ABTB1: variants seen among roughly 807,000 people sequenced by gnomAD.
ABTB1 encodes ankyrin repeat and BTB domain containing 1.
A neutral mutation model predicts 57.1 loss-of-function variants in ABTB1; 45 were observed. The observed-to-expected ratio is 0.79, with a 90% confidence interval of 0.62 to 1.01. ABTB1 has a LOEUF of 1.01. Among genes scored for constraint, ABTB1 ranks in the 50% least tolerant of loss-of-function variants. ABTB1 has a pLI of 0.00. For missense variants in ABTB1, 630 were observed against 666.3 expected (o/e 0.95, Z 0.60); for synonymous variants, 302 against 275.4 (o/e 1.10, Z -0.95).
chr3:127,676,351 G>T lies in ABTB1; in HGVS notation c.400G>T (p.Gly134Cys). 6.2e-7 allele frequency: 1 copy of T among 1,614,160 alleles called. No homozygotes were observed. The highest frequency in any genetic ancestry group is 8.5e-7 in the Non-Finnish European group (1 of 1,180,026). Reference sequence around the variant, plus strand: ...ATTCCGGGTGCATCGCTGCGTCCTGGGTGCACGTAGTGCCTACTTTGCCAA... The same window carrying T: ...ATTCCGGGTGCATCGCTGCGTCCTGTGTGCACGTAGTGCCTACTTTGCCAA... Reference protein sequence around the residue: ...KPFRVHRCVLGARSAYFANML... With the variant: ...KPFRVHRCVLCARSAYFANML... Residue 134 changes from glycine to cysteine, a missense_variant, in exon 5 of 12, where the codon GGT (glycine) becomes TGT (cysteine). Around this residue, in one of 3 missense-constraint regions of ABTB1, gnomAD observed 579 missense variants for 585.9 expected, o/e 0.99. Transcript: ENST00000232744. The surrounding 1 kb of genome is among the most constrained non-coding windows in gnomAD (Gnocchi z 5.4).
intron 1 of ABTB1, chr3:127,674,071 G>A: frequency 2.5e-6 from 1 of 405,598 alleles, no homozygotes; most frequent in Non-Finnish European, 4.7e-6. Flanking sequence ...TGGTGGGAGT[G>A]AAGGCTCCAT....
At position 127,674,421 on chromosome 3, in the gene ABTB1, G is replaced by C; in HGVS notation, c.87G>C (p.Val29=). 2 of 1,454,618 alleles carry C rather than the reference G, an allele frequency of 1.4e-6. No homozygotes were observed. Among genetic ancestry groups the C allele is most frequent in the Non-Finnish European group, 1.9e-6 (2 of 1,079,030 alleles). 90.1% of individuals were successfully genotyped at this position (1,454,618 alleles called of 1,614,324 possible). Reference sequence around the variant, plus strand: ...TGCTGGAGCAGCGAGACGTGGAGGTGAATGTGCGGGACAAGTGGGACAGCA... The same window carrying C: ...TGCTGGAGCAGCGAGACGTGGAGGTCAATGTGCGGGACAAGTGGGACAGCA... ...RYLLEQRDVE[V]NVRDKWDSTP... is the part of the protein sequence containing the mutation. The change falls in exon 2 of 12, where the codon GTG becomes GTC. Residue 29 remains valine, a synonymous_variant. Coordinates refer to ENST00000232744, the MANE Select transcript of ABTB1 (RefSeq NM_172027.3).
chr3:127,677,164 G>A lies in ABTB1; in HGVS notation c.644-4G>A. ...GGCTCCCTGAAGTTGTTCTTCCCCT[G>A]TAGTGGCGTCTAAGCCAGGCACGTG... On this transcript the variant is annotated splice_region_variant and splice_polypyrimidine_tract_variant and intron_variant, in intron 7 of 11. Transcript: ENST00000232744. 3 of 1,613,588 alleles carry A rather than the reference G, an allele frequency of 1.9e-6. No homozygotes were observed. Among genetic ancestry groups the A allele is most frequent in the Non-Finnish European group, 2.5e-6 (3 of 1,179,814 alleles).
chr3:127,676,124 G>T lies in ABTB1; in HGVS notation c.320+10G>T, dbSNP rs755063009. The T allele has an allele frequency of 1.2e-6, 2 of 1,612,766 alleles. No homozygotes were observed. The highest frequency in any genetic ancestry group is 1.7e-6 in the Non-Finnish European group (2 of 1,179,692). ...ACGACTTCTTGCAGCGGTGAGCCAG[G>T]GCACACGAGGGGTGCAGCATGGGGT... On this transcript the variant is annotated intron_variant, in intron 4 of 11. Coordinates refer to ENST00000232744, the MANE Select transcript of ABTB1 (RefSeq NM_172027.3). This position sits in a 1 kb window ranked among gnomAD's most constrained non-coding sequence, Gnocchi z 5.4.
rs1197345326 is a variant in ABTB1 at position 127,674,296 on chromosome 3, CA to C, written c.57-91del. ...TCACCTGGGGGAGGCTTCCCCATACCAAAAGGGATGTTTTCTCTCCGTTCCT... is the reference window on the plus strand; with the variant it reads ...TCACCTGGGGGAGGCTTCCCCATACCAAAGGGATGTTTTCTCTCCGTTCCT... On this transcript the variant is annotated intron_variant, in intron 1 of 11. Transcript: ENST00000232744. 18 of 1,512,390 alleles carry C rather than the reference CA, an allele frequency of 1.2e-5. No homozygotes were observed. The African/African-American group carries it at 2.3e-4, about 20-fold the overall frequency. The allele number at this position is 1,512,390 out of a possible 1,614,324, so 93.7% of individuals were successfully genotyped here. A position where few individuals can be genotyped will look rare whatever the true frequency, so the allele number is the denominator to read the frequency against.
intron 10 of ABTB1, chr3:127,679,711 C>T (rs2075078560): frequency 3.5e-6 from 2 of 570,084 alleles, no homozygotes; most frequent in East Asian, 6.8e-5. Flanking sequence ...GACCCTGGCT[C>T]CTGCGAGGGC....
Position 127,677,084 on chromosome 3 carries a change from G to T in ABTB1, c.643+1G>T. The T allele has an allele frequency of 6.2e-7, 1 of 1,614,074 alleles. No homozygotes were observed. On this transcript the variant is annotated splice_donor_variant, in intron 7 of 11. Transcript: ENST00000232744. LOFTEE classifies it high-confidence loss of function. ...AAGTGCGAGAAGGTGTCTGAGTTTG[G>T]TGCGAGCAGGGTTTGGGGCCCGGGG...
At position 127,676,150 on chromosome 3, in the gene ABTB1, G is replaced by A; in HGVS notation, c.320+36G>A. On this transcript the variant is annotated intron_variant, in intron 4 of 11. Transcript: ENST00000232744. This position sits in a 1 kb window ranked among gnomAD's most constrained non-coding sequence, Gnocchi z 5.4. ...GCACACGAGGGGTGCAGCATGGGGT[G>A]CGGTGGCCCTGGTGGGTGTGGCGAG... The A allele has an allele frequency of 1.2e-6, 2 of 1,610,010 alleles. No homozygotes were observed. The highest frequency in any genetic ancestry group is 1.1e-5 in the South Asian group (1 of 91,004).
At chr3:127,675,395 A>C (rs1192291504) in intron 3 of ABTB1, 1 of 156,502 alleles carries the variant, frequency 6.4e-6, no homozygotes, top group Non-Finnish European at 1.4e-5. Flanking sequence ...AGCCCCTTCA[A>C]ATCTTCAAAT....
chr3:127,676,698 G>C lies in ABTB1; in HGVS notation c.526+117G>C. The C allele has an allele frequency of 2.9e-6, 4 of 1,378,844 alleles. No individual in the cohort carries two copies. The highest frequency in any genetic ancestry group is 4.0e-6 in the Non-Finnish European group (4 of 991,890). The allele number at this position is 1,378,844 out of a possible 1,614,324, so 85.4% of individuals were successfully genotyped here. ...TCTAGACACTTCATGGTCCCCCCGGGGTGGTTCCAGCTGCCTCTCGGGTTG... is the reference window on the plus strand; with the variant it reads ...TCTAGACACTTCATGGTCCCCCCGGCGTGGTTCCAGCTGCCTCTCGGGTTG... On this transcript the variant is annotated intron_variant, in intron 6 of 11. Transcript: ENST00000232744. This position sits in a 1 kb window ranked among gnomAD's most constrained non-coding sequence, Gnocchi z 5.4.
Position 127,676,193 on chromosome 3 carries a change from C to T in ABTB1, c.320+79C>T. On this transcript the variant is annotated intron_variant, in intron 4 of 11. Coordinates refer to ENST00000232744, the MANE Select transcript of ABTB1 (RefSeq NM_172027.3). The surrounding 1 kb of genome is among the most constrained non-coding windows in gnomAD (Gnocchi z 5.4). ...GTGGCGAGTCTGCTCTGACTGTGGC[C>T]TGCACTGGGTTCTGAGTGCTCCGAG... The T allele has an allele frequency of 5.6e-6, 9 of 1,605,890 alleles. No individual in the cohort carries two copies. The highest frequency in any genetic ancestry group is 7.7e-6 in the Non-Finnish European group (9 of 1,174,220).
intron 3 of ABTB1, among the ~76,000 whole-genome samples, 172 bp downstream of exon 3, chr3:127,674,772 C>G (rs186561875): frequency 6.6e-6 from 1 of 152,214 alleles, no homozygotes; most frequent in African/African-American, 2.4e-5. Context: ...ACTTTAAAAC[C>G]TTTTCTCTGT....
Position 127,676,140 on chromosome 3 carries a change from A to G in ABTB1, c.320+26A>G, listed in dbSNP as rs776200938. 21 of 1,611,106 alleles carry G rather than the reference A, an allele frequency of 1.3e-5. No homozygotes were observed. The South Asian group carries it at 2.3e-4, about 18-fold the overall frequency. ...GTGAGCCAGGGCACACGAGGGGTGC[A>G]GCATGGGGTGCGGTGGCCCTGGTGG... On this transcript the variant is annotated intron_variant, in intron 4 of 11. Transcript: ENST00000232744. The surrounding 1 kb of genome is among the most constrained non-coding windows in gnomAD (Gnocchi z 5.4).
At chr3:127,679,533 T>C (rs1184301868) in intron 10 of ABTB1, 1 of 458,182 alleles carries the variant, frequency 2.2e-6, no homozygotes, top group Non-Finnish European at 4.4e-6. Flanking sequence ...AGTCCCTGCA[T>C]AGGTCTTGAC....
At chr3:127,674,636 G>T (rs2074934790) in intron 3 of ABTB1, 36 bp downstream of exon 3, 1 of 1,612,994 alleles carries the variant, frequency 6.2e-7, no homozygotes, top group Non-Finnish European at 8.5e-7. Context: ...GGTGTGCGTG[G>T]GTGCATGCAT....
rs763092125 is a variant in ABTB1, at chr3:127,676,414, G to A, written c.463G>A (p.Val155Ile). ...CAAATGGAAGGGCAAGAGTGTCGTG[G>A]TTCTCAGGCACCCACTGGTATGTCC... is the stretch of plus-strand genomic sequence containing the variant. Reference protein sequence around the residue: ...DTKWKGKSVVVLRHPLINPVA... With the variant: ...DTKWKGKSVVILRHPLINPVA... Residue 155 changes from valine to isoleucine, a missense_variant, in exon 5 of 12, where the codon GTT becomes ATT. Physicochemically the swap from Val to Ile is conservative, Grantham distance 29. Transcript: ENST00000232744. This position sits in a 1 kb window ranked among gnomAD's most constrained non-coding sequence, Gnocchi z 5.4. 7 of 1,614,078 alleles carry A rather than the reference G, an allele frequency of 4.3e-6. No individual in the cohort carries two copies. Among genetic ancestry groups the A allele is most frequent in the Non-Finnish European group, 5.9e-6 (7 of 1,179,964 alleles).
chr3:127,673,653 G>C (rs937944113), intron 1 of ABTB1: 2 of 153,182 alleles, frequency 1.3e-5, no homozygotes, highest in Non-Finnish European at 2.9e-5. Flanking sequence ...CCACTATCCC[G>C]TTTGACCTCC....
In ABTB1 at chr3:127,673,021, G is replaced by T. The variant is rs373152017; in HGVS notation, c.-5G>T. ...TCGTTCGGCTCGGGTACCATCCTCCGCGCCATGGACACCAGCGACCTGTTC... is the reference window on the plus strand; with the variant it reads ...TCGTTCGGCTCGGGTACCATCCTCCTCGCCATGGACACCAGCGACCTGTTC... On this transcript the variant is annotated 5_prime_UTR_variant, in exon 1 of 12. Transcript: ENST00000232744. 18 of 1,565,926 alleles carry T rather than the reference G, an allele frequency of 1.1e-5. No individual in the cohort carries two copies. The highest frequency in any genetic ancestry group is 1.6e-5 in the Non-Finnish European group (18 of 1,156,096).
intron 1 of ABTB1, 138 bp downstream of exon 1, chr3:127,673,219 G>T: frequency 1.1e-6 from 1 of 924,120 alleles, no homozygotes; most frequent in Non-Finnish European, 1.4e-6. Context: ...GCCCCCGCGG[G>T]GCAGACCACC....
Sources: gnomAD v4.1 joint callset for allele counts (sites outside exome capture counted in the v4.1 genomes callset) on GRCh38, gnomAD v4.1.1 for gene constraint, gnomAD v4.1.1 regional missense constraint, Gnocchi (gnomAD v3.1) non-coding constraint, MANE v1.5 for transcripts, NCBI Gene and HGNC (gene_info 2026-07-23, HGNC 2026-07-21) for gene names.